LPP: variants seen among roughly 807,000 people sequenced by gnomAD.
LPP encodes the protein LIM domain containing preferred translocation partner in lipoma, also known as lipoma-preferred partner.
In LPP, 38 loss-of-function variants were observed where a neutral mutation model predicts 60.4. That is an observed-to-expected ratio of 0.63 (90% CI 0.49 to 0.83). The LOEUF is 0.83. Ranked by LOEUF, LPP falls within the 40% of genes least tolerant of loss-of-function variation. The pLI, the probability that LPP is intolerant of heterozygous loss-of-function variation, is 0.00. For missense variants in LPP, 902 were observed against 783.6 expected (o/e 1.15, Z -1.80); for synonymous variants, 328 against 290.8 (o/e 1.13, Z -1.30).
intron 6 of LPP, among the ~76,000 whole-genome samples, chr3:188,552,582 G>A (rs11706861): frequency 0.43 from 65,695 of 151,956 alleles, 15,284 homozygotes; most frequent in East Asian, 0.92. Context: ...GCAGAGCTTC[G>A]TTCCTTTCTG....
intron 4 of LPP, among the ~76,000 whole-genome samples, chr3:188,412,538 G>A (rs1375666911): frequency 6.6e-6 from 1 of 152,164 alleles, no homozygotes; most frequent in Non-Finnish European, 1.5e-5. Flanking sequence ...AAGTGGAAGA[G>A]CTTAATAAGG....
At chr3:188,154,382 C>T (rs62289743) in intron 1 of LPP, among the ~76,000 whole-genome samples, 130 bp downstream of exon 1, 3,881 of 152,142 alleles carry the variant, frequency 0.026, 63 homozygotes, top group Admixed American at 0.037. Context: ...CTGGCCTGGC[C>T]CGCTGTGCGG....
At chr3:188,565,476 G>A (rs958364040) in intron 6 of LPP, among the ~76,000 whole-genome samples, 9 of 151,876 alleles carry the variant, frequency 5.9e-5, no homozygotes, top group Admixed American at 2.0e-4. Flanking sequence ...GTTTTAAAAC[G>A]GTTTATCTGT....
intron 7 of LPP, among the ~76,000 whole-genome samples, chr3:188,692,437 C>T (rs549324493): frequency 3.5e-4 from 53 of 152,292 alleles, no homozygotes; most frequent in African/African-American, 1.3e-3. Context: ...TGTACTTTTT[C>T]GAGATTTCAC....
chr3:188,672,575 C>G (rs1450293529), intron 7 of LPP, among the ~76,000 whole-genome samples: 1 of 152,046 alleles, frequency 6.6e-6, no homozygotes, highest in African/African-American at 2.4e-5. Context: ...GTGATTTTAC[C>G]TGCTCCATTT....
chr3:188,388,813 T>C (rs1160943643), intron 3 of LPP, among the ~76,000 whole-genome samples: 1 of 152,196 alleles, frequency 6.6e-6, no homozygotes, highest in Non-Finnish European at 1.5e-5. Flanking sequence ...CCTCAAACTT[T>C]TTCTGTAAAG....
intron 3 of LPP, among the ~76,000 whole-genome samples, chr3:188,388,664 G>A (rs879433548): frequency 6.6e-6 from 1 of 152,202 alleles, no homozygotes; most frequent in Non-Finnish European, 1.5e-5. Flanking sequence ...CTTACATCAT[G>A]AGTATGTTTC....
chr3:188,648,998 G>C (rs1482898985), intron 7 of LPP, among the ~76,000 whole-genome samples: 1 of 152,128 alleles, frequency 6.6e-6, no homozygotes, highest in Non-Finnish European at 1.5e-5. Context: ...TCTAATTCTG[G>C]CATATGAAGT....
At chr3:188,628,930 A>C (rs1289973888) in intron 7 of LPP, among the ~76,000 whole-genome samples, 3 of 152,016 alleles carry the variant, frequency 2.0e-5, no homozygotes, top group African/African-American at 7.2e-5. Flanking sequence ...CTTTAGCCAT[A>C]GGTTGCAAAA....
chr3:188,497,436 A>G (rs1346969009), intron 5 of LPP, among the ~76,000 whole-genome samples: 2 of 152,178 alleles, frequency 1.3e-5, no homozygotes, highest in Non-Finnish European at 2.9e-5. Context: ...AATTCTTTCC[A>G]TTAGAAATTA....
intron 6 of LPP, among the ~76,000 whole-genome samples, chr3:188,583,587 G>C (rs1836757047): frequency 6.6e-6 from 1 of 152,108 alleles, no homozygotes; most frequent in Non-Finnish European, 1.5e-5. Flanking sequence ...TCTCCCAAAT[G>C]ATAACCTCTT....
At chr3:188,517,522 G>C (rs1448468465) in intron 5 of LPP, among the ~76,000 whole-genome samples, 2 of 152,148 alleles carry the variant, frequency 1.3e-5, no homozygotes, top group African/African-American at 4.8e-5. Context: ...TGAATGGCTT[G>C]GTGCCTGTAT....
intron 9 of LPP, among the ~76,000 whole-genome samples, chr3:188,762,830 T>G (rs374441154): frequency 9.9e-5 from 15 of 152,110 alleles, no homozygotes; most frequent in East Asian, 5.8e-4. Flanking sequence ...TTTAATGAGA[T>G]CTATTCGTGG....
At chr3:188,441,757 A>T (rs1383216068) in intron 4 of LPP, among the ~76,000 whole-genome samples, 4 of 150,650 alleles carry the variant, frequency 2.7e-5, no homozygotes, top group African/African-American at 9.8e-5. Context: ...AGTAGTTGGT[A>T]CTACAGGCGC....
intron 2 of LPP, among the ~76,000 whole-genome samples, chr3:188,243,457 G>A (rs1423316103): frequency 1.3e-5 from 2 of 152,166 alleles, no homozygotes; most frequent in African/African-American, 4.8e-5. Context: ...GGCTTGGGGT[G>A]GTGTCTCAGA....
chr3:188,203,458 A>AATATATATTTTTAAATAT (rs1731835325), intron 1 of LPP, among the ~76,000 whole-genome samples: 1 of 90,312 alleles, frequency 1.1e-5, no homozygotes, highest in Non-Finnish European at 1.9e-5. Context: ...AATATATATA[A>AATATATATTTTTAAATAT]ATATATATAT....
At chr3:188,760,372 T>C (rs937627006) in intron 9 of LPP, 90 bp downstream of exon 9, 2 of 1,380,682 alleles carry the variant, frequency 1.4e-6, no homozygotes, top group Admixed American at 3.5e-5. Context: ...AGCCATCAGA[T>C]CTTTGCTTCT....
chr3:188,346,372 GTC>G lies in LPP; in HGVS notation c.-10+4656_-10+4657del, dbSNP rs533321447. 4.9e-5 allele frequency among the ~76,000 whole-genome samples: 7 copies of G among 141,952 alleles called. No individual in the cohort carries two copies. In the South Asian group the frequency reaches 1.6e-3, roughly 31 times the overall value. The allele number at this position is 141,952 out of a possible 152,430, so 93.1% of individuals were successfully genotyped here. ...CCTCCCAGGTTCAAGCAATTCTCCTGTCTCAGCCTCCCAAGTAGCTGGGACTA... is the reference window on the plus strand; with the variant it reads ...CCTCCCAGGTTCAAGCAATTCTCCTGTCAGCCTCCCAAGTAGCTGGGACTA... On this transcript the variant is annotated intron_variant, in intron 3 of 11. Coordinates refer to ENST00000617246, the MANE Select transcript of LPP (RefSeq NM_001375462.1).
At chr3:188,489,853 A>G (rs544894164) in intron 5 of LPP, among the ~76,000 whole-genome samples, 94 of 152,244 alleles carry the variant, frequency 6.2e-4, no homozygotes, top group African/African-American at 2.1e-3. Flanking sequence ...GACAACTTCT[A>G]ACTCTGCTTC....
Sources: allele counts gnomAD v4.1 joint callset (sites outside exome capture counted in the v4.1 genomes callset), GRCh38; gene constraint gnomAD v4.1.1; transcripts MANE v1.5; gene names NCBI Gene and HGNC (gene_info 2026-07-23, HGNC 2026-07-21).